Variants in ZNF559 observed in about 807,000 individuals in gnomAD.
The protein encoded by ZNF559 is zinc finger protein 559.
Under a neutral mutation model 14.2 loss-of-function variants are expected in ZNF559, and 17 were observed. The ratio of observed to expected loss-of-function variants is 1.20; its 90% CI spans 0.82 to 1.80. The LOEUF is 1.80. ZNF559 is among the 40% of genes most tolerant of loss of function. The pLI is 0.00. For missense variants in ZNF559, 740 were observed against 629.7 expected (o/e 1.18, Z -1.88); for synonymous variants, 244 against 212.4 (o/e 1.15, Z -1.29).
chr19:9,327,614 A>C (rs2145064003), intron 2 of ZNF559, among the ~76,000 whole-genome samples: 1 of 152,296 alleles, frequency 6.6e-6, no homozygotes, highest in Non-Finnish European at 1.5e-5. Flanking sequence ...TTGAGAGGTT[A>C]ACAGTTTTTT....
At chr19:9,326,995 G>C (rs912855075) in intron 2 of ZNF559, among the ~76,000 whole-genome samples, 1 of 152,140 alleles carries the variant, frequency 6.6e-6, no homozygotes, top group Non-Finnish European at 1.5e-5. Flanking sequence ...GCTAGTGGCT[G>C]TTGAGTTAGA....
At chr19:9,334,358 G>A (rs192250622) in intron 2 of ZNF559, among the ~76,000 whole-genome samples, 48 of 152,276 alleles carry the variant, frequency 3.2e-4, no homozygotes, top group African/African-American at 1.1e-3. Context: ...GTTTTTTGGA[G>A]CATTTTGGAT....
intron 2 of ZNF559, among the ~76,000 whole-genome samples, chr19:9,337,118 A>G (rs971474698): frequency 1.3e-5 from 2 of 152,114 alleles, no homozygotes; most frequent in African/African-American, 4.8e-5. Context: ...AGCTCACCTG[A>G]GCTTTGGTGT....
In ZNF559 at chr19:9,344,861, TAA is replaced by T. The variant is rs2067696310; in HGVS notation, c.*1794_*1795del. 6.6e-6 allele frequency: 1 copy of T among 152,228 alleles called. No individual in the cohort carries two copies. The highest frequency in any genetic ancestry group is 6.5e-5 in the Admixed American group (1 of 15,278). The allele number at this position is 152,228 out of a possible 1,614,324, so 9.4% of individuals were successfully genotyped here. A position where few individuals can be genotyped will look rare whatever the true frequency, so the allele number is the denominator to read the frequency against. On this transcript the variant is annotated 3_prime_UTR_variant, in exon 7 of 7. Coordinates refer to ENST00000603380, the MANE Select transcript of ZNF559 (RefSeq NM_032497.3). ...AGGTTCTTTCAGTAAGTTTGAGATA[TAA>T]TTGCCATGTAATAAACTGCACATGT...
intron 2 of ZNF559, among the ~76,000 whole-genome samples, chr19:9,331,144 G>C (rs1017353729): frequency 6.6e-6 from 1 of 152,202 alleles, no homozygotes; most frequent in Non-Finnish European, 1.5e-5. Context: ...CAGATGATCA[G>C]CACCTTAGTA....
At chr19:9,331,060 A>G (rs2066912850) in intron 2 of ZNF559, among the ~76,000 whole-genome samples, 1 of 152,202 alleles carries the variant, frequency 6.6e-6, no homozygotes, top group African/African-American at 2.4e-5. Flanking sequence ...CTCTCTCCAC[A>G]GAAAAGCCTC....
Position 9,342,554 on chromosome 19 carries a change from T to C in ZNF559, c.1103T>C (p.Leu368Pro). 1 of 1,614,108 alleles carries C rather than the reference T, an allele frequency of 6.2e-7. No homozygotes were observed. The highest frequency in any genetic ancestry group is 8.5e-7 in the Non-Finnish European group (1 of 1,180,000). The change falls in exon 7 of 7, where the codon CTT becomes CCT. Residue 368 changes from leucine to proline, a missense_variant. Physicochemically the swap from Leu to Pro is moderately conservative, Grantham distance 98 (BLOSUM62 -3). Coordinates refer to ENST00000603380, the MANE Select transcript of ZNF559 (RefSeq NM_032497.3). ...CGKAFANSSH[L>P]TVHMRTHTGE... ...AAAGCTTTTGCTAACTCTTCACATC[T>C]TACTGTACATATGAGAACTCACACT...
chr19:9,324,601 C>CAGG, intron 1 of ZNF559, 94 bp from the exon 2 acceptor site: 1 of 1,146,312 alleles, frequency 8.7e-7, no homozygotes, highest in Non-Finnish European at 1.2e-6. Context: ...CAAGACCAGG[C>CAGG]AGGGCAACAT....
intron 2 of ZNF559, 26 bp downstream of exon 2, chr19:9,324,806 G>GTCGA: frequency 6.5e-7 from 1 of 1,529,174 alleles, no homozygotes; most frequent in Non-Finnish European, 8.8e-7. Context: ...ACTTGTTCTG[G>GTCGA]CTGTGGGTGT....
chr19:9,334,854 G>A (rs1178133794), intron 2 of ZNF559, among the ~76,000 whole-genome samples: 1 of 152,120 alleles, frequency 6.6e-6, no homozygotes, highest in Non-Finnish European at 1.5e-5. Flanking sequence ...GCTGGTCATG[G>A]CCAGGCGGGG....
chr19:9,340,794 A>G (rs992021326), intron 5 of ZNF559, among the ~76,000 whole-genome samples: 1 of 146,192 alleles, frequency 6.8e-6, no homozygotes, highest in Non-Finnish European at 1.5e-5. Flanking sequence ...CCAGGACTCA[A>G]TCTCCTGACC....
Position 9,341,775 on chromosome 19 carries a change from T to C in ZNF559, c.324T>C (p.Thr108=). 6.2e-7 allele frequency: 1 copy of C among 1,606,292 alleles called. No individual in the cohort carries two copies. Among genetic ancestry groups the C allele is most frequent in the Non-Finnish European group, 8.5e-7 (1 of 1,177,954 alleles). ...TGAGTGAACACTCATGCCTTAAGAC[T>C]CACAGGAGAACTTACTTTAGAAAGA... ...KALSEHSCLK[T]HRRTYFRKKT... The change falls in exon 7 of 7, where the codon ACT becomes ACC. Residue 108 remains threonine, a synonymous_variant. Transcript: ENST00000603380.
At chr19:9,338,139 T>A in intron 3 of ZNF559, 1 of 831,702 alleles carries the variant, frequency 1.2e-6, no homozygotes, top group Non-Finnish European at 2.0e-6. Flanking sequence ...GAGGCTAAAG[T>A]AGATACGAAT....
intron 5 of ZNF559, among the ~76,000 whole-genome samples, chr19:9,339,934 ATTTTTTTTTT>A (rs545536064): frequency 6.9e-5 from 6 of 86,408 alleles, no homozygotes; most frequent in Admixed American, 1.5e-4. Flanking sequence ...ACGCCTGGCT[ATTTTTTTTTT>A]TTTTTTTTTT....
intron 2 of ZNF559, among the ~76,000 whole-genome samples, chr19:9,329,424 A>G (rs1163544242): frequency 6.6e-6 from 1 of 152,138 alleles, no homozygotes; most frequent in Non-Finnish European, 1.5e-5. Flanking sequence ...CCCTAAATAT[A>G]TTGGTGTATA....
rs1260803349 is a variant in ZNF559 at position 9,342,815 on chromosome 19, A to T, written c.1364A>T (p.His455Leu). The T allele has an allele frequency of 1.2e-6, 2 of 1,614,150 alleles. No homozygotes were observed. The highest frequency in any genetic ancestry group is 8.5e-7 in the Non-Finnish European group (1 of 1,180,016). ...AGATACTCCTCGCACCTTAGTCAAC[A>T]TAAAAGAATACATACAGGGGAGAGG... Reference protein sequence around the residue: ...AFRYSSHLSQHKRIHTGERPY... With the variant: ...AFRYSSHLSQLKRIHTGERPY... The change falls in exon 7 of 7, where the codon CAT becomes CTT. Residue 455 changes from histidine (H) to leucine (L), a missense_variant. Physicochemically the swap from His to Leu is moderately conservative, Grantham distance 99. Transcript: ENST00000603380.
At position 9,341,154 on chromosome 19, in the gene ZNF559, G is replaced by T; in HGVS notation, c.213G>T (p.Leu71Phe). 1.2e-6 allele frequency: 2 copies of T among 1,613,198 alleles called. No individual in the cohort carries two copies. Among genetic ancestry groups the T allele is most frequent in the Non-Finnish European group, 1.7e-6 (2 of 1,179,764 alleles). ...TKWSAPQQNF[L>F]QGKTSSVVEM... ...GGTCAGCACCTCAGCAGAATTTTTT[G>T]CAGGGGAAAACATCCAGTGTGGTGG... Residue 71 changes from leucine (L) to phenylalanine (F), a missense_variant, in exon 6 of 7, where the codon TTG becomes TTT. By Grantham distance (22) the Leu-to-Phe change is conservative. Coordinates refer to ENST00000603380, the MANE Select transcript of ZNF559 (RefSeq NM_032497.3).
At chr19:9,334,406 T>C (rs889030128) in intron 2 of ZNF559, among the ~76,000 whole-genome samples, 1 of 152,222 alleles carries the variant, frequency 6.6e-6, no homozygotes, top group Non-Finnish European at 1.5e-5. Context: ...ACCTGTATTA[T>C]GGAGTGCTTT....
At chr19:9,341,066 C>T (rs781055390) in intron 5 of ZNF559, 36 bp from the exon 6 acceptor site, 1 of 1,516,214 alleles carries the variant, frequency 6.6e-7, no homozygotes, top group Non-Finnish European at 9.0e-7. Context: ...ATCATTATTT[C>T]TCTAAGAACT....
Sources: allele counts gnomAD v4.1 joint callset (sites outside exome capture counted in the v4.1 genomes callset), GRCh38; gene constraint gnomAD v4.1.1; transcripts MANE v1.5; gene names NCBI Gene and HGNC (gene_info 2026-07-23, HGNC 2026-07-21).